The following IL7R variants were observed in gnomAD, a reference collection of about 807,000 sequenced individuals.
IL7R encodes interleukin 7 receptor, also known as interleukin-7 receptor subunit alpha.
A neutral mutation model predicts 47.0 loss-of-function variants in IL7R; 38 were observed. That is an observed-to-expected ratio of 0.81 (90% CI 0.62 to 1.06). The LOEUF is 1.06. Ranked by LOEUF, IL7R falls within the 50% of genes least tolerant of loss-of-function variation. The probability of loss-of-function intolerance (pLI) is 0.00; values close to 1 mark genes in which losing one functional copy is unlikely to be tolerated. For synonymous variants in IL7R, 221 were observed against 199.8 expected, an observed-to-expected ratio of 1.11 and a Z score of -0.89; for missense variants, 633 against 534.8, an observed-to-expected ratio of 1.18 and a Z score of -1.81.
chr5:35,865,834 G>A (rs1420643183), intron 2 of IL7R, among the ~76,000 whole-genome samples: 1 of 152,118 alleles, frequency 6.6e-6, no homozygotes, highest in Non-Finnish European at 1.5e-5. Context: ...CATTTATGCA[G>A]CCAAAAGACA....
intron 3 of IL7R, 112 bp from the exon 4 acceptor site, chr5:35,870,944 A>G: frequency 2.2e-6 from 2 of 916,770 alleles, no homozygotes. Context: ...ATAGTTGGCC[A>G]TTTACTGACA....
chr5:35,865,692 G>A (rs1390877798), intron 2 of IL7R, among the ~76,000 whole-genome samples: 2 of 151,792 alleles, frequency 1.3e-5, no homozygotes, highest in Non-Finnish European at 2.9e-5. Flanking sequence ...GTTTTGATTT[G>A]CATTTCTCTG....
At chr5:35,862,412 C>A (rs1196797616) in intron 2 of IL7R, among the ~76,000 whole-genome samples, 2 of 152,110 alleles carry the variant, frequency 1.3e-5, no homozygotes, top group Non-Finnish European at 2.9e-5. Context: ...CACTTCCTTG[C>A]CCACTCAAAC....
At position 35,867,366 on chromosome 5, in the gene IL7R, C is replaced by A. The variant is rs778067695; in HGVS notation, c.282C>A (p.Ile94=). The A allele has an allele frequency of 6.2e-7, 1 of 1,612,998 alleles. No homozygotes were observed. Among genetic ancestry groups the A allele is most frequent in the Non-Finnish European group, 8.5e-7 (1 of 1,179,174 alleles). ...NFRKLQEIYF[I]ETKKFLLIGK... ...GGAAACTACAAGAGATATATTTCAT[C>A]GAGACAAAGAAATTCTTACTGATTG... Residue 94 remains isoleucine (I), a synonymous_variant, in exon 3 of 8, where the codon ATC becomes ATA. Coordinates refer to ENST00000303115, the MANE Select transcript of IL7R (RefSeq NM_002185.5).
chr5:35,879,303 C>A lies in IL7R; in HGVS notation c.*2817C>A, dbSNP rs113393512. 3.1e-4 allele frequency: 71 copies of A among 232,736 alleles called. No individual in the cohort carries two copies. Among genetic ancestry groups the A allele is most frequent in the Non-Finnish European group, 1.2e-4 (14 of 117,842 alleles). 14.4% of individuals were successfully genotyped at this position (232,736 alleles called of 1,614,324 possible). ...TCAGAAAAGCCAAGTATGGGCTGTT[C>A]AGAGGTGCACACCTGCATTTTCTTA... On this transcript the variant is annotated 3_prime_UTR_variant, in exon 8 of 8. Transcript: ENST00000303115.
At chr5:35,866,696 A>T (rs1018868387) in intron 2 of IL7R, among the ~76,000 whole-genome samples, 1 of 152,090 alleles carries the variant, frequency 6.6e-6, no homozygotes, top group Admixed American at 6.6e-5. Context: ...TAGCATTTAA[A>T]ATTTCCTTAT....
At position 35,860,880 on chromosome 5, in the gene IL7R, C is replaced by T. The variant is rs763937095; in HGVS notation, c.111C>T (p.Asp37=). 26 of 1,613,470 alleles carry T rather than the reference C, an allele frequency of 1.6e-5. No individual in the cohort carries two copies. The East Asian group carries it at 2.7e-4, about 17-fold the overall frequency. The change falls in exon 2 of 8, where the codon GAC becomes GAT. Residue 37 remains aspartate, a synonymous_variant. Coordinates refer to ENST00000303115, the MANE Select transcript of IL7R (RefSeq NM_002185.5). ...ACTTGGAAGATGCAGAACTGGATGA[C>T]TACTCATTCTCATGCTATAGCCAGT... ...NGDLEDAELD[D]YSFSCYSQLE...
rs769426499 is a variant in IL7R at position 35,860,977 on chromosome 5, G to A, written c.208G>A (p.Glu70Lys). The A allele has an allele frequency of 1.2e-6, 2 of 1,613,460 alleles. No individual in the cohort carries two copies. Among genetic ancestry groups the A allele is most frequent in the Admixed American group, 1.7e-5 (1 of 59,982 alleles). ...CCCAGATGTCAACATCACCAATCTGGAATTTGAAATATGGTGAGGGATGGT... is the reference window on the plus strand; with the variant it reads ...CCCAGATGTCAACATCACCAATCTGAAATTTGAAATATGGTGAGGGATGGT... ...EDPDVNITNL[E>K]FEICGALVEV... is the part of the protein sequence containing the mutation. The change falls in exon 2 of 8, where the codon GAA (glutamate) becomes AAA (lysine). Residue 70 changes from glutamate to lysine, a missense_variant. Coordinates refer to ENST00000303115, the MANE Select transcript of IL7R (RefSeq NM_002185.5).
In IL7R at chr5:35,876,014, T is replaced by C. The variant is rs200107390; in HGVS notation, c.908T>C (p.Phe303Ser). ...AATGTGAGTTTCAATCCTGAAAGTT[T>C]CCTGGACTGCCAGATTCATAGGGTG... ...NLNVSFNPES[F>S]LDCQIHRVDD... Residue 303 changes from phenylalanine to serine, a missense_variant, in exon 8 of 8, where the codon TTC (phenylalanine) becomes TCC (serine). By Grantham distance (155) the Phe-to-Ser change is radical (BLOSUM62 -2). Transcript: ENST00000303115. The C allele has an allele frequency of 2.0e-5, 33 of 1,613,774 alleles. No individual in the cohort carries two copies. The highest frequency in any genetic ancestry group is 4.2e-6 in the Non-Finnish European group (5 of 1,180,028).
chr5:35,875,346 G>A (rs1031524911), intron 6 of IL7R, 166 bp from the exon 7 acceptor site: 7 of 685,994 alleles, frequency 1.0e-5, no homozygotes, highest in African/African-American at 1.8e-5. Context: ...ATAGGGCCCC[G>A]AGGCCCAGAG....
At chr5:35,867,219 AC>A (rs1265028963) in intron 2 of IL7R, 86 bp from the exon 3 acceptor site, 1 of 1,223,390 alleles carries the variant, frequency 8.2e-7, no homozygotes, top group Non-Finnish European at 1.2e-6. Flanking sequence ...TTAAAGTCAA[AC>A]ATACATCAAT....
chr5:35,861,124 C>A, intron 2 of IL7R, 134 bp downstream of exon 2: 1 of 909,902 alleles, frequency 1.1e-6, no homozygotes. Context: ...TCCCAAAGGC[C>A]TCCTGAAACT....
At chr5:35,875,781 G>C in intron 7 of IL7R, 194 bp downstream of exon 7, 1 of 756,816 alleles carries the variant, frequency 1.3e-6, no homozygotes, top group Non-Finnish European at 2.3e-6. Flanking sequence ...TGGGCTCCCT[G>C]GGGCTGGAGG....
intron 2 of IL7R, 39 bp from the exon 3 acceptor site, chr5:35,867,267 C>T (rs1243152299): frequency 6.3e-7 from 1 of 1,591,128 alleles, no homozygotes; most frequent in Admixed American, 1.7e-5. Flanking sequence ...ACAGGAACTC[C>T]TACCTGAATC....
At chr5:35,857,499 C>G (rs1759685900) in intron 1 of IL7R, among the ~76,000 whole-genome samples, 1 of 152,004 alleles carries the variant, frequency 6.6e-6, no homozygotes, top group African/African-American at 2.4e-5. Flanking sequence ...ATAGCTTTGT[C>G]TTCAGTGACC....
intron 3 of IL7R, among the ~76,000 whole-genome samples, chr5:35,868,283 T>G (rs1759989405): frequency 6.6e-6 from 1 of 152,216 alleles, no homozygotes; most frequent in Non-Finnish European, 1.5e-5. Flanking sequence ...TAGCATTCCC[T>G]ATTCGCTCCC....
chr5:35,865,956 GA>G (rs1461448723), intron 2 of IL7R, among the ~76,000 whole-genome samples: 3 of 152,252 alleles, frequency 2.0e-5, no homozygotes, highest in African/African-American at 7.2e-5. Flanking sequence ...CCACTGAATA[GA>G]AATGGTGAAA....
chr5:35,867,691 T>C (rs952006416), intron 3 of IL7R: 15 of 626,292 alleles, frequency 2.4e-5, no homozygotes, highest in African/African-American at 2.2e-4. Flanking sequence ...AAGATAGTGT[T>C]TGTGCAAACC....
At chr5:35,860,000 G>A (rs1759758536) in intron 1 of IL7R, among the ~76,000 whole-genome samples, 1 of 151,872 alleles carries the variant, frequency 6.6e-6, no homozygotes, top group Non-Finnish European at 1.5e-5. Context: ...TTTCATTATA[G>A]GGTCTACAAA....
Sources: gnomAD v4.1 joint callset for allele counts (sites outside exome capture counted in the v4.1 genomes callset) on GRCh38, gnomAD v4.1.1 for gene constraint, MANE v1.5 for transcripts, NCBI Gene and HGNC (gene_info 2026-07-23, HGNC 2026-07-21) for gene names.